STXBP5L: variants seen among roughly 807,000 people sequenced by gnomAD.
STXBP5L encodes syntaxin-binding protein 5-like.
Under a neutral mutation model 144.5 loss-of-function variants are expected in STXBP5L, and 65 were observed. The observed-to-expected ratio is 0.45, with a 90% confidence interval of 0.37 to 0.55. The LOEUF (loss-of-function observed/expected upper bound fraction) is 0.55. STXBP5L is among the 20% of genes least tolerant of loss of function. The pLI, the probability that STXBP5L is intolerant of heterozygous loss-of-function variation, is 0.00. For missense variants in STXBP5L, 1,298 were observed against 1,405.5 expected, an observed-to-expected ratio of 0.92 and a Z score of 1.22; for synonymous variants, 505 against 469.6, an observed-to-expected ratio of 1.08 and a Z score of -0.97.
chr3:121,233,103 A>T (rs748979856), intron 11 of STXBP5L, among the ~76,000 whole-genome samples: 2 of 152,190 alleles, frequency 1.3e-5, no homozygotes, highest in Non-Finnish European at 2.9e-5. Context: ...AACCAGATTG[A>T]TATGATATGG....
chr3:120,936,329 T>C (rs1399983957), intron 2 of STXBP5L, among the ~76,000 whole-genome samples: 1 of 152,210 alleles, frequency 6.6e-6, no homozygotes, highest in African/African-American at 2.4e-5. Flanking sequence ...TCTGATGCAG[T>C]TTTTGACACT....
chr3:121,085,563 A>G lies in STXBP5L; in HGVS notation c.471-29362A>G, dbSNP rs1414845758. Among the ~76,000 whole-genome samples, 3 of 152,166 alleles carry G rather than the reference A, an allele frequency of 2.0e-5. No individual in the cohort carries two copies. In the East Asian group the frequency reaches 5.8e-4, roughly 29 times the overall value. On this transcript the variant is annotated intron_variant, in intron 5 of 26. Transcript: ENST00000471454. ...AAACAGAGAGCCAAATCATGAATGA[A>G]CTCCCATTCACAATTGCTACAAAGA...
At chr3:121,157,089 A>C (rs183444812) in intron 8 of STXBP5L, among the ~76,000 whole-genome samples, 1 of 152,260 alleles carries the variant, frequency 6.6e-6, no homozygotes, top group East Asian at 1.9e-4. Context: ...AGGGCAATAC[A>C]GTGCAATGAT....
intron 3 of STXBP5L, among the ~76,000 whole-genome samples, chr3:120,979,343 C>T (rs940174195): frequency 6.6e-6 from 1 of 152,236 alleles, no homozygotes; most frequent in African/African-American, 2.4e-5. Flanking sequence ...GCATAGGACC[C>T]TCCGAGCCAG....
intron 3 of STXBP5L, among the ~76,000 whole-genome samples, chr3:121,005,779 A>C (rs915558374): frequency 2.0e-5 from 3 of 152,190 alleles, no homozygotes; most frequent in Non-Finnish European, 4.4e-5. Flanking sequence ...TTCAAAGAAC[A>C]TCTTTATTTC....
chr3:121,214,201 A>G (rs1055319437), intron 10 of STXBP5L, among the ~76,000 whole-genome samples: 20 of 151,874 alleles, frequency 1.3e-4, no homozygotes, highest in East Asian at 3.9e-4. Flanking sequence ...TCATGTCTCT[A>G]TCTCCTTCAG....
intron 9 of STXBP5L, among the ~76,000 whole-genome samples, chr3:121,204,639 G>T (rs563745856): frequency 6.6e-6 from 1 of 151,482 alleles, no homozygotes; most frequent in East Asian, 1.9e-4. Context: ...TATTACATAG[G>T]TATCTATGTA....
chr3:121,152,642 G>A (rs1012089191), intron 8 of STXBP5L, 82 bp downstream of exon 8: 3 of 1,049,200 alleles, frequency 2.9e-6, no homozygotes, highest in African/African-American at 3.3e-5. Flanking sequence ...CACTTTACCA[G>A]TATGTTTAGC....
intron 9 of STXBP5L, among the ~76,000 whole-genome samples, chr3:121,181,661 G>A (rs1030546182): frequency 6.6e-6 from 1 of 151,398 alleles, no homozygotes; most frequent in Non-Finnish European, 1.5e-5. Context: ...TTGAACCCAA[G>A]AGGCAGTTGG....
chr3:121,380,603 T>C (rs556019618), intron 21 of STXBP5L, among the ~76,000 whole-genome samples: 150 of 152,158 alleles, frequency 9.9e-4, no homozygotes, highest in African/African-American at 3.6e-3. Flanking sequence ...GTTTTTTTTT[T>C]TAAGTGAGCT....
intron 10 of STXBP5L, among the ~76,000 whole-genome samples, chr3:121,207,947 T>C (rs914600606): frequency 2.0e-5 from 3 of 152,120 alleles, no homozygotes; most frequent in Non-Finnish European, 4.4e-5. Flanking sequence ...GATCTAGTAC[T>C]AGAAATACCA....
chr3:121,142,559 C>G (rs2107945344), intron 7 of STXBP5L, among the ~76,000 whole-genome samples: 1 of 152,034 alleles, frequency 6.6e-6, no homozygotes, highest in Admixed American at 6.6e-5. Context: ...AGTATCCTTT[C>G]TGACCACAAT....
intron 3 of STXBP5L, among the ~76,000 whole-genome samples, chr3:120,970,734 A>G (rs1356833761): frequency 3.3e-5 from 5 of 152,050 alleles, no homozygotes; most frequent in African/African-American, 9.7e-5. Context: ...TTAAACCATT[A>G]TTATTATTTT....
intron 20 of STXBP5L, among the ~76,000 whole-genome samples, chr3:121,350,192 G>C (rs2045214710): frequency 6.6e-6 from 1 of 152,140 alleles, no homozygotes; most frequent in African/African-American, 2.4e-5. Context: ...TGTCTGTAAA[G>C]GATCTTATTT....
chr3:121,286,384 A>G (rs954278325), intron 19 of STXBP5L, among the ~76,000 whole-genome samples: 10 of 152,236 alleles, frequency 6.6e-5, no homozygotes, highest in Non-Finnish European at 1.5e-5. Flanking sequence ...AGCAAAAATT[A>G]TGGTAAACAA....
At position 120,997,715 on chromosome 3, in the gene STXBP5L, A is replaced by T. The variant is rs112048684; in HGVS notation, c.287+42678A>T. On this transcript the variant is annotated intron_variant, in intron 3 of 26. Transcript: ENST00000471454. ...GCATAGCTTGCAAATATTTTCTCTC[A>T]TTCTGTAGATTGTCTGTTTACTCTG... Among the ~76,000 whole-genome samples, 4 of 152,030 alleles carry T rather than the reference A, an allele frequency of 2.6e-5. No individual in the cohort carries two copies. The South Asian group carries it at 8.3e-4, about 32-fold the overall frequency.
At chr3:121,098,701 C>T (rs77910769) in intron 5 of STXBP5L, among the ~76,000 whole-genome samples, 18,261 of 152,052 alleles carry the variant, frequency 0.12, 1,148 homozygotes, top group Non-Finnish European at 0.14. Flanking sequence ...GTAGGGTTGG[C>T]CTGGCCTGCT....
chr3:121,256,655 T>C (rs2050214897), intron 16 of STXBP5L, among the ~76,000 whole-genome samples: 2 of 151,898 alleles, frequency 1.3e-5, no homozygotes, highest in Admixed American at 6.6e-5. Context: ...GCAATGAAAG[T>C]TTTTTATACT....
rs559808485 is a variant in STXBP5L, at chr3:121,051,332, G to A, written c.470+5797G>A. The stretch of plus-strand genomic sequence containing the variant: ...CTATTCCAAAATTGACCACATAGTT[G>A]GAAGTAAAGCTCTCCTCAGCAAATG... On this transcript the variant is annotated intron_variant, in intron 5 of 26. Transcript: ENST00000471454. Among the ~76,000 whole-genome samples the A allele has an allele frequency of 5.9e-5, 9 of 152,160 alleles. No homozygotes were observed. The East Asian group carries it at 1.7e-3, about 29-fold the overall frequency.
Sources: gnomAD v4.1 joint callset for allele counts (sites outside exome capture counted in the v4.1 genomes callset) on GRCh38, gnomAD v4.1.1 for gene constraint, MANE v1.5 for transcripts, NCBI Gene and HGNC (gene_info 2026-07-23, HGNC 2026-07-21) for gene names.